TAF9B: variants seen among roughly 807,000 people sequenced by gnomAD.
TAF9B encodes transcription initiation factor TFIID subunit 9B.
TAF9B carries 47 observed loss-of-function variants against 17.6 expected under a neutral mutation model. That is an observed-to-expected ratio of 2.68 (90% CI 2.12 to 3.41). The LOEUF (loss-of-function observed/expected upper bound fraction) is 3.41. TAF9B is among the 30% of genes most tolerant of loss of function. The pLI is 0.00. For missense variants in TAF9B, 218 were observed against 189.3 expected (o/e 1.15, Z -0.89); for synonymous variants, 84 against 68.7 (o/e 1.22, Z -1.10).
chrX:78,132,103 C>T (rs147911837), intron 6 of TAF9B, among the ~76,000 whole-genome samples: 3,911 of 111,448 alleles, frequency 0.035, 67 homozygotes, highest in Admixed American at 0.051. Flanking sequence ...AAGTGATTCT[C>T]GTGCCTCAGG....
chrX:78,131,800 A>G, intron 6 of TAF9B, 27 bp from the exon 7 acceptor site: 1 of 1,183,027 alleles, frequency 8.5e-7, no homozygotes. Context: ...AAGCCCCCCC[A>G]AAACCAAGCT....
chrX:78,132,157 C>T (rs141308148), intron 6 of TAF9B, among the ~76,000 whole-genome samples: 173 of 110,781 alleles, frequency 1.6e-3, no homozygotes, highest in African/African-American at 5.5e-3. Flanking sequence ...CCAAACCTGG[C>T]TAATTTTTGT....
rs2078413490 is a variant in TAF9B, at chrX:78,131,674, G to A, written c.692C>T (p.Thr231Ile). The change falls in exon 7 of 7, where the codon ACA (threonine) becomes ATA (isoleucine). Residue 231 changes from threonine (T) to isoleucine (I), a missense_variant. Thr to Ile is a moderately conservative substitution (Grantham distance 89, BLOSUM62 -1). Transcript: ENST00000341864. Reference sequence around the variant, plus strand: ...CTTCAGTGGGTTTGCTTCATTGGCTGTGTTCTGTGACGAAACCATGTTGGT... The same window carrying A: ...CTTCAGTGGGTTTGCTTCATTGGCTATGTTCTGTGACGAAACCATGTTGGT... ...ITTNMVSSQN[T>I]ANEANPLKRK... The A allele has an allele frequency of 1.7e-6, 2 of 1,210,515 alleles. No individual in the cohort carries two copies. The highest frequency in any genetic ancestry group is 2.2e-6 in the Non-Finnish European group (2 of 894,550).
intron 5 of TAF9B, among the ~76,000 whole-genome samples, chrX:78,135,649 A>G (rs1289114819): frequency 1.8e-5 from 2 of 111,566 alleles, no homozygotes; most frequent in Non-Finnish European, 3.8e-5. Flanking sequence ...TAAAACTATC[A>G]GGCGTTTTTT....
intron 6 of TAF9B, 60 bp downstream of exon 6, chrX:78,133,278 A>C (rs2149140531): frequency 1.0e-6 from 1 of 972,240 alleles, no homozygotes; most frequent in Admixed American, 2.3e-5. Flanking sequence ...ATAGGAATAC[A>C]AACGGTCCTA....
Position 78,130,499 on chromosome X carries a change from G to C in TAF9B, c.*1111C>G, listed in dbSNP as rs1427785180. On this transcript the variant is annotated 3_prime_UTR_variant, in exon 7 of 7. Coordinates refer to ENST00000341864, the MANE Select transcript of TAF9B (RefSeq NM_015975.5). ...TGGCCTTATAGAGGATGAACCATTA[G>C]TGTCTTTCAGGTTTGATCCTGTCTT... 2 of 112,313 alleles carry C rather than the reference G, an allele frequency of 1.8e-5. No individual in the cohort carries two copies. Among genetic ancestry groups the C allele is most frequent in the Non-Finnish European group, 3.8e-5 (2 of 53,214 alleles). 9.3% of individuals were successfully genotyped at this position (112,313 alleles called of 1,213,427 possible).
In TAF9B at chrX:78,131,686, G is replaced by A. The variant is rs376084606; in HGVS notation, c.680C>T (p.Ser227Leu). The A allele has an allele frequency of 3.2e-5, 39 of 1,208,033 alleles. No homozygotes were observed. Among genetic ancestry groups the A allele is most frequent in the East Asian group, 8.9e-5 (3 of 33,760 alleles). Residue 227 changes from serine to leucine, a missense_variant, in exon 7 of 7, where the codon TCG (serine) becomes TTG (leucine). Physicochemically the swap from Ser to Leu is moderately radical, Grantham distance 145. Coordinates refer to ENST00000341864, the MANE Select transcript of TAF9B (RefSeq NM_015975.5). ...TGCTTCATTGGCTGTGTTCTGTGACGAAACCATGTTGGTGGTAATAAGAAT... is the reference window on the plus strand; with the variant it reads ...TGCTTCATTGGCTGTGTTCTGTGACAAAACCATGTTGGTGGTAATAAGAAT... ...KNILITTNMV[S>L]SQNTANEANP...
At chrX:78,135,840 C>A (rs2149141442) in intron 5 of TAF9B, among the ~76,000 whole-genome samples, 1 of 111,984 alleles carries the variant, frequency 8.9e-6, no homozygotes, top group South Asian at 3.6e-4. Context: ...AACCCACAGA[C>A]AAACAGTATA....
rs1282486635 is a variant in TAF9B, at chrX:78,131,219, A to C, written c.*391T>G. 8.8e-6 allele frequency: 1 copy of C among 114,108 alleles called. No homozygotes were observed. The highest frequency in any genetic ancestry group is 1.8e-5 in the Non-Finnish European group (1 of 55,130). 9.4% of individuals were successfully genotyped at this position (114,108 alleles called of 1,213,427 possible). Reference sequence around the variant, plus strand: ...AATTAGCTAGTGACAGTAAGTAACTATATTACCTTATAAAATAAAGTAGTA... The same window carrying C: ...AATTAGCTAGTGACAGTAAGTAACTCTATTACCTTATAAAATAAAGTAGTA... On this transcript the variant is annotated 3_prime_UTR_variant, in exon 7 of 7. Coordinates refer to ENST00000341864, the MANE Select transcript of TAF9B (RefSeq NM_015975.5).
chrX:78,131,856 A>C, intron 6 of TAF9B, 83 bp from the exon 7 acceptor site: 1 of 908,140 alleles, frequency 1.1e-6, no homozygotes, highest in Non-Finnish European at 1.5e-6. Flanking sequence ...GTATACAACA[A>C]AGCTGAATGT....
chrX:78,133,936 A>G (rs2078424592), intron 5 of TAF9B, among the ~76,000 whole-genome samples: 1 of 111,529 alleles, frequency 9.0e-6, no homozygotes. Context: ...CAGGTTTTCT[A>G]TTTATTACCT....
chrX:78,133,151 C>A, intron 6 of TAF9B, among the ~76,000 whole-genome samples, 187 bp downstream of exon 6: 1 of 111,669 alleles, frequency 9.0e-6, no homozygotes, highest in African/African-American at 3.3e-5. Context: ...AGGGGGGAGA[C>A]TACTTTATGT....
intron 4 of TAF9B, among the ~76,000 whole-genome samples, chrX:78,137,253 T>C (rs921649939): frequency 8.9e-6 from 1 of 112,349 alleles, no homozygotes; most frequent in Non-Finnish European, 1.9e-5. Context: ...CCCATTCAAA[T>C]AAGACTGTAA....
intron 6 of TAF9B, among the ~76,000 whole-genome samples, 195 bp downstream of exon 6, chrX:78,133,143 G>A (rs782541816): frequency 9.0e-6 from 1 of 111,572 alleles, no homozygotes; most frequent in South Asian, 3.7e-4. Flanking sequence ...CAAGGATAAG[G>A]GGGGAGACTA....
Position 78,138,859 on chromosome X carries a change from C to A in TAF9B, c.117G>T (p.Met39Ile). The change falls in exon 2 of 7, where the codon ATG becomes ATT. Residue 39 changes from methionine to isoleucine, a missense_variant. Physicochemically the swap from Met to Ile is conservative, Grantham distance 10. Coordinates refer to ENST00000341864, the MANE Select transcript of TAF9B (RefSeq NM_015975.5). ...TTAACTTACGGAAAGCAAATTCCAA[C>A]ATTTGATTTATAACCCTTGGTTCAT... ...TEYEPRVINQ[M>I]LEFAFRYVTT... 2.5e-6 allele frequency: 3 copies of A among 1,206,450 alleles called. No individual in the cohort carries two copies. Among genetic ancestry groups the A allele is most frequent in the Non-Finnish European group, 3.4e-6 (3 of 890,622 alleles).
intron 1 of TAF9B, 71 bp from the exon 2 acceptor site, chrX:78,138,995 A>G: frequency 1.2e-6 from 1 of 826,408 alleles, no homozygotes; most frequent in East Asian, 3.2e-5. Context: ...GAAGGGTAGT[A>G]TTTATATTTA....
chrX:78,138,792 A>G (rs1557250359), intron 2 of TAF9B, 51 bp downstream of exon 2: 12 of 912,141 alleles, frequency 1.3e-5, no homozygotes, highest in Non-Finnish European at 1.9e-5. Flanking sequence ...CAATAAAAAT[A>G]TCTTTTCAAG....
At position 78,136,924 on chromosome X, in the gene TAF9B, G is replaced by T. The variant is rs1557250107; in HGVS notation, c.472C>A (p.Pro158Thr). 1 of 1,198,563 alleles carries T rather than the reference G, an allele frequency of 8.3e-7. No individual in the cohort carries two copies. Among genetic ancestry groups the T allele is most frequent in the Non-Finnish European group, 1.1e-6 (1 of 884,311 alleles). Residue 158 changes from proline to threonine, a missense_variant, in exon 5 of 7, where the codon CCT becomes ACT. Coordinates refer to ENST00000341864, the MANE Select transcript of TAF9B (RefSeq NM_015975.5). The part of the protein sequence containing the change: ...VGAVSSKPTT[P>T]TIATPQTVSV... ...GTCTCCTCTCACTTACCTATAGTAG[G>T]AGTAGTAGGTTTGCTACTAACAGCA...
chrX:78,135,793 G>A (rs2078432003), intron 5 of TAF9B, among the ~76,000 whole-genome samples: 1 of 111,318 alleles, frequency 9.0e-6, no homozygotes, highest in Non-Finnish European at 1.9e-5. Flanking sequence ...TACCAGCCTA[G>A]GGGTTTAAAA....
Sources: gnomAD v4.1 joint callset for allele counts (sites outside exome capture counted in the v4.1 genomes callset) on GRCh38, gnomAD v4.1.1 for gene constraint, MANE v1.5 for transcripts, NCBI Gene and HGNC (gene_info 2026-07-23, HGNC 2026-07-21) for gene names.